The following ARID4A variants were observed in gnomAD, a reference collection of about 807,000 sequenced individuals.
ARID4A encodes AT-rich interactive domain-containing protein 4A.
In ARID4A, 39 loss-of-function variants were observed where a neutral mutation model predicts 148.6. The observed-to-expected ratio is 0.26, with a 90% CI of 0.20 to 0.34. The LOEUF is 0.34. ARID4A is among the 10% of genes least tolerant of loss of function. ARID4A has a pLI of 1.00. For synonymous variants in ARID4A, 475 were observed against 481.2 expected (o/e 0.99, Z 0.17); for missense variants, 1,265 against 1,449.1 (o/e 0.87, Z 2.06).
intron 14 of ARID4A, among the ~76,000 whole-genome samples, 153 bp from the exon 15 acceptor site, chr14:58,347,494 A>G (rs1286492497): frequency 6.6e-6 from 1 of 152,238 alleles, no homozygotes; most frequent in Non-Finnish European, 1.5e-5. Context: ...TTATGATTCT[A>G]TCTAAAACAC....
At chr14:58,316,326 A>G (rs2032408882) in intron 5 of ARID4A, among the ~76,000 whole-genome samples, 1 of 152,176 alleles carries the variant, frequency 6.6e-6, no homozygotes, top group Non-Finnish European at 1.5e-5. Context: ...GTGAATATGG[A>G]TGTTAAGTGT....
chr14:58,325,273 C>A (rs900742006), intron 8 of ARID4A, among the ~76,000 whole-genome samples: 2 of 151,882 alleles, frequency 1.3e-5, no homozygotes, highest in Non-Finnish European at 2.9e-5. Flanking sequence ...CTCTTAAATA[C>A]TCTTGTTTTG....
chr14:58,325,143 G>T (rs976320884), intron 8 of ARID4A, among the ~76,000 whole-genome samples: 38 of 152,224 alleles, frequency 2.5e-4, no homozygotes, highest in African/African-American at 8.9e-4. Context: ...AATAAAAAAT[G>T]ATTGGAAATT....
chr14:58,352,821 G>C (rs2034698942), intron 16 of ARID4A, among the ~76,000 whole-genome samples: 1 of 151,992 alleles, frequency 6.6e-6, no homozygotes, highest in African/African-American at 2.4e-5. Flanking sequence ...TTACAGGATT[G>C]ATACACAATA....
At chr14:58,329,903 C>A in intron 10 of ARID4A, 100 bp from the exon 11 acceptor site, 1 of 1,506,038 alleles carries the variant, frequency 6.6e-7, no homozygotes, top group Non-Finnish European at 8.8e-7. Flanking sequence ...AAATGACAGC[C>A]GAATTTGAAT....
At position 58,365,138 on chromosome 14, in the gene ARID4A, C is replaced by T. The variant is rs1344759651; in HGVS notation, c.3049C>T (p.Arg1017Ter). Reference sequence around the variant, plus strand: ...ACTTACTCTTAGTCAAGATGAGTCTCGAAGCGTAAAAAGTGAGAGTGATAT... The same window carrying T: ...ACTTACTCTTAGTCAAGATGAGTCTTGAAGCGTAAAAAGTGAGAGTGATAT... ...SPLTLSQDES[R>*]SVKSESDITI... Residue 1017 changes from arginine (R) to a stop codon, truncating the protein, a stop_gained, in exon 20 of 24, where the codon CGA (arginine) becomes TGA (stop). Transcript: ENST00000355431. LOFTEE classifies it high-confidence loss of function. 1 of 1,613,972 alleles carries T rather than the reference C, an allele frequency of 6.2e-7. No homozygotes were observed. Among genetic ancestry groups the T allele is most frequent in the South Asian group, 1.1e-5 (1 of 91,056 alleles).
At position 58,330,065 on chromosome 14, in the gene ARID4A, A is replaced by G. The variant is rs758741430; in HGVS notation, c.802A>G (p.Ile268Val). 20 of 1,613,136 alleles carry G rather than the reference A, an allele frequency of 1.2e-5. No individual in the cohort carries two copies. In the Admixed American group the frequency reaches 1.3e-4, roughly 11 times the overall value. ...TGTTCCTGATAATTGGAAAATGGAT[A>G]TAAGTGAAATCCTTGAGTCATCCAG... ...RVVPDNWKMD[I>V]SEILESSSSD... The change falls in exon 11 of 24, where the codon ATA becomes GTA. Residue 268 changes from isoleucine to valine, a missense_variant. By Grantham distance (29) the Ile-to-Val change is conservative. Coordinates refer to ENST00000355431, the MANE Select transcript of ARID4A (RefSeq NM_002892.4).
intron 13 of ARID4A, 47 bp from the exon 14 acceptor site, chr14:58,346,973 A>T (rs1158026713): frequency 1.2e-5 from 4 of 341,872 alleles, no homozygotes; most frequent in Admixed American, 4.3e-5. Context: ...AAAAAAAAAA[A>T]GATTAATTCC....
At chr14:58,368,564 A>C (rs1395499360) in intron 23 of ARID4A, among the ~76,000 whole-genome samples, 1 of 152,218 alleles carries the variant, frequency 6.6e-6, no homozygotes, top group Non-Finnish European at 1.5e-5. Flanking sequence ...ACTGGAAGAA[A>C]AAAAACAGAT....
Position 58,372,353 on chromosome 14 carries a change from T to G in ARID4A, c.*364T>G, listed in dbSNP as rs533899576. On this transcript the variant is annotated 3_prime_UTR_variant, in exon 24 of 24. Coordinates refer to ENST00000355431, the MANE Select transcript of ARID4A (RefSeq NM_002892.4). ...AGTGCACATGATAAACATCAAAATA[T>G]TACCCAGCTGAATAGTTACTGCTGC... The G allele has an allele frequency of 1.2e-5, 3 of 259,928 alleles. No individual in the cohort carries two copies. The South Asian group carries it at 3.7e-4, about 32-fold the overall frequency. 16.1% of individuals were successfully genotyped at this position (259,928 alleles called of 1,614,324 possible). A position where few individuals can be genotyped will look rare whatever the true frequency, so the allele number is the denominator to read the frequency against.
At chr14:58,317,245 A>C (rs1195446537) in intron 5 of ARID4A, among the ~76,000 whole-genome samples, 1 of 149,928 alleles carries the variant, frequency 6.7e-6, no homozygotes, top group East Asian at 2.0e-4. Flanking sequence ...GCATCTATGT[A>C]ATTATGATTT....
At position 58,366,122 on chromosome 14, in the gene ARID4A, C is replaced by CTGCCA; in HGVS notation, c.3415_3416insTGCCA (p.Arg1139LeufsTer41). 6.2e-7 allele frequency: 1 copy of CTGCCA among 1,613,454 alleles called. No homozygotes were observed. The highest frequency in any genetic ancestry group is 8.5e-7 in the Non-Finnish European group (1 of 1,179,464). ...TGTATCTAAGCCACAGAAACTTGCA[C>CTGCCA]GATCTCCTGCAAGAATATCCCCGCA... On this transcript the variant is annotated frameshift_variant, in exon 22 of 24. Transcript: ENST00000355431. LOFTEE classifies it high-confidence loss of function.
chr14:58,322,963 C>CCAAAAAAAA (rs1491222874), intron 7 of ARID4A, among the ~76,000 whole-genome samples: 1 of 42,246 alleles, frequency 2.4e-5, no homozygotes, highest in African/African-American at 1.1e-4. Context: ...ACTCCATTTC[C>CCAAAAAAAA]AAAAAAAAAA....
chr14:58,354,680 C>T (rs2040842724), intron 17 of ARID4A, among the ~76,000 whole-genome samples: 1 of 139,582 alleles, frequency 7.2e-6, no homozygotes. Flanking sequence ...GAAACCCTGT[C>T]TCATAAATAA....
Position 58,346,306 on chromosome 14 carries a change from C to T in ARID4A, c.980-105C>T, listed in dbSNP as rs565971492. ...TGTTTAAGGCTCTTTAAATATGTGCCTCTAATTAATGAAATTGGGGAAATT... is the reference window on the plus strand; with the variant it reads ...TGTTTAAGGCTCTTTAAATATGTGCTTCTAATTAATGAAATTGGGGAAATT... On this transcript the variant is annotated intron_variant, in intron 12 of 23. Transcript: ENST00000355431. 78 of 673,920 alleles carry T rather than the reference C, an allele frequency of 1.2e-4. No homozygotes were observed. In the African/African-American group the frequency reaches 1.4e-3, roughly 12 times the overall value. 41.7% of individuals were successfully genotyped at this position (673,920 alleles called of 1,614,324 possible).
chr14:58,324,369 G>A (rs1420268546), intron 8 of ARID4A, among the ~76,000 whole-genome samples: 1 of 152,128 alleles, frequency 6.6e-6, no homozygotes, highest in Non-Finnish European at 1.5e-5. Context: ...TCAGCCTTTT[G>A]GGCTCAGGCG....
intron 1 of ARID4A, 92 bp downstream of exon 1, chr14:58,298,792 G>A (rs182119636): frequency 1.3e-5 from 2 of 152,410 alleles, no homozygotes; most frequent in African/African-American, 2.4e-5. Context: ...GCAGTTGGAA[G>A]CTTTGGAGGT....
rs139276263 is a variant in ARID4A at position 58,326,088 on chromosome 14, G to T, written c.583-2149G>T. On this transcript the variant is annotated intron_variant, in intron 8 of 23. Transcript: ENST00000355431. ...AATACAGAAAGCCTTCACAAAGCAG[G>T]TGCTTTTGAGGTGAGCTTTGAAGGA... 5.3e-5 allele frequency among the ~76,000 whole-genome samples: 8 copies of T among 152,244 alleles called. No individual in the cohort carries two copies. The East Asian group carries it at 1.5e-3, about 29-fold the overall frequency.
chr14:58,307,257 G>A (rs1352132109), intron 5 of ARID4A, among the ~76,000 whole-genome samples: 2 of 152,128 alleles, frequency 1.3e-5, no homozygotes, highest in African/African-American at 4.8e-5. Flanking sequence ...TTTACTTTTA[G>A]TTTACTTGAT....
Sources: gnomAD v4.1 joint callset for allele counts (sites outside exome capture counted in the v4.1 genomes callset) on GRCh38, gnomAD v4.1.1 for gene constraint, MANE v1.5 for transcripts, NCBI Gene and HGNC (gene_info 2026-07-23, HGNC 2026-07-21) for gene names.